The following TBC1D10A variants were observed in gnomAD, a reference collection of about 807,000 sequenced individuals.
TBC1D10A encodes TBC1 domain family member 10A, also known as EBP50-PDX interactor of 64 kDa.
A neutral mutation model predicts 52.9 loss-of-function variants in TBC1D10A; 24 were observed. The ratio of observed to expected loss-of-function variants is 0.45; its 90% CI spans 0.33 to 0.64. TBC1D10A has a LOEUF of 0.64. Ranked by LOEUF, TBC1D10A falls within the 30% of genes least tolerant of loss-of-function variation. The probability of loss-of-function intolerance (pLI) is 0.02; values close to 1 mark genes in which losing one functional copy is unlikely to be tolerated. For missense variants in TBC1D10A, 602 were observed against 687.9 expected (o/e 0.88, Z 1.40); for synonymous variants, 278 against 282.9 (o/e 0.98, Z 0.17).
At chr22:30,306,716 G>C (rs1930316430) in intron 1 of TBC1D10A, among the ~76,000 whole-genome samples, 1 of 152,140 alleles carries the variant, frequency 6.6e-6, no homozygotes, top group African/African-American at 2.4e-5. Context: ...AGGCAATATG[G>C]CCATCTGAAT....
chr22:30,314,810 CA>C (rs113564669), intron 1 of TBC1D10A, among the ~76,000 whole-genome samples: 963 of 73,748 alleles, frequency 0.013, 7 homozygotes, highest in African/African-American at 0.031. Flanking sequence ...GACCCTGACT[CA>C]AAAAAAAAAA....
intron 1 of TBC1D10A, among the ~76,000 whole-genome samples, chr22:30,307,579 C>T (rs1024248257): frequency 7.2e-5 from 11 of 152,150 alleles, no homozygotes; most frequent in African/African-American, 1.4e-4. Context: ...TCCACTCATC[C>T]CTAACTGAAT....
Position 30,326,913 on chromosome 22 carries a change from G to T in TBC1D10A, c.-32C>A, listed in dbSNP as rs1930794633. On this transcript the variant is annotated 5_prime_UTR_variant, in exon 1 of 9. Coordinates refer to ENST00000215790, the MANE Select transcript of TBC1D10A (RefSeq NM_031937.3). ...CGCGCCCGCCGCCTGAGCTCCAGCGGCCACCTCAGCCGCCCTGCTGCCGCC... is the reference window on the plus strand; with the variant it reads ...CGCGCCCGCCGCCTGAGCTCCAGCGTCCACCTCAGCCGCCCTGCTGCCGCC... 2.1e-6 allele frequency: 3 copies of T among 1,440,118 alleles called. No individual in the cohort carries two copies. The South Asian group carries it at 4.1e-5, about 20-fold the overall frequency. 89.2% of individuals were successfully genotyped at this position (1,440,118 alleles called of 1,614,324 possible). A position where few individuals can be genotyped will look rare whatever the true frequency, so the allele number is the denominator to read the frequency against.
chr22:30,295,940 C>T (rs541621556), intron 3 of TBC1D10A, 97 bp from the exon 4 acceptor site: 135 of 1,111,494 alleles, frequency 1.2e-4, no homozygotes, highest in Non-Finnish European at 1.5e-4. Context: ...GGGCCCTCCA[C>T]CAGGGGCAGT....
intron 1 of TBC1D10A, among the ~76,000 whole-genome samples, chr22:30,325,470 C>T (rs1476780204): frequency 6.6e-6 from 1 of 152,136 alleles, no homozygotes; most frequent in African/African-American, 2.4e-5. Context: ...CATGGCAGGG[C>T]CCCAGGAGCT....
In TBC1D10A at chr22:30,294,054, C is replaced by A. The variant is rs375538912; in HGVS notation, c.762G>T (p.Pro254=). The A allele has an allele frequency of 8.7e-6, 14 of 1,614,088 alleles. No homozygotes were observed. In the Admixed American group the frequency reaches 2.2e-4, roughly 25 times the overall value. The change falls in exon 7 of 9, where the codon CCG becomes CCT. Residue 254 remains proline (P), a synonymous_variant. Coordinates refer to ENST00000215790, the MANE Select transcript of TBC1D10A (RefSeq NM_031937.3). ...ILFSLLQKVS[P]VAHKHLSRQK... is the part of the protein sequence containing the mutation. ...GACGGCTGAGGTGCTTGTGGGCCACCGGCGACACCTTCTGCAACAGCGAGA... is the reference window on the plus strand; with the variant it reads ...GACGGCTGAGGTGCTTGTGGGCCACAGGCGACACCTTCTGCAACAGCGAGA...
intron 8 of TBC1D10A, 125 bp downstream of exon 8, chr22:30,293,526 T>C (rs1311675667): frequency 7.4e-7 from 1 of 1,356,686 alleles, no homozygotes; most frequent in African/African-American, 1.4e-5. Flanking sequence ...ACATGTTCTG[T>C]GTTGCCTAGC....
At chr22:30,318,865 GA>G (rs1930591643) in intron 1 of TBC1D10A, 2 of 373,568 alleles carry the variant, frequency 5.4e-6, no homozygotes, top group Non-Finnish European at 1.1e-5. Flanking sequence ...TGCAACACAG[GA>G]GGCCTCAGCC....
chr22:30,325,418 T>C (rs1031529594), intron 1 of TBC1D10A, among the ~76,000 whole-genome samples: 1 of 152,172 alleles, frequency 6.6e-6, no homozygotes, highest in East Asian at 1.9e-4. Context: ...ACAATCTCAA[T>C]TGGTCAGAGA....
rs753713709 is a variant in TBC1D10A at position 30,326,721 on chromosome 22, C to A, written c.161G>T (p.Arg54Leu). 1.9e-6 allele frequency: 3 copies of A among 1,540,540 alleles called. No individual in the cohort carries two copies. The highest frequency in any genetic ancestry group is 8.8e-7 in the Non-Finnish European group (1 of 1,142,390). The change falls in exon 1 of 9, where the codon CGC becomes CTC. Residue 54 changes from arginine (R) to leucine (L), a missense_variant. Coordinates refer to ENST00000215790, the MANE Select transcript of TBC1D10A (RefSeq NM_031937.3). ...CACGATGAAGCCGAACTTGTCGATG[C>A]GGCGCTCGGCGAAGCCGTTGGCCTC... The part of the protein sequence containing the change: ...DSEANGFAER[R>L]IDKFGFIVGS...
In TBC1D10A at chr22:30,292,529, GCCA is replaced by G. The variant is rs1929968531; in HGVS notation, c.1370_1372del (p.Val457del). ...TGGGGGACATGCATCTCCTGCAGCG[GCCA>G]CCACCATGGCTTGATTTGGGGCTGG... On this transcript the variant is annotated inframe_deletion, in exon 9 of 9. Transcript: ENST00000215790. 1 of 1,612,852 alleles carries G rather than the reference GCCA, an allele frequency of 6.2e-7. No individual in the cohort carries two copies. Among genetic ancestry groups the G allele is most frequent in the East Asian group, 2.2e-5 (1 of 44,872 alleles).
At chr22:30,301,222 G>A (rs1323940552) in intron 2 of TBC1D10A, among the ~76,000 whole-genome samples, 2 of 152,146 alleles carry the variant, frequency 1.3e-5, no homozygotes, top group African/African-American at 2.4e-5. Context: ...CAGTTGCCCT[G>A]ACCCGTCAAG....
rs765017383 is a variant in TBC1D10A, at chr22:30,295,829, G to T, written c.432C>A (p.Ser144=). 1 of 1,613,646 alleles carries T rather than the reference G, an allele frequency of 6.2e-7. No individual in the cohort carries two copies. The change falls in exon 4 of 9, where the codon TCC becomes TCA. Residue 144 remains serine (S), a synonymous_variant. Transcript: ENST00000215790. The part of the protein sequence containing the change: ...NPGKFDELDM[S]PGDPKWLDVI... ...CGTCCAGCCACTTGGGGTCCCCAGG[G>T]GACATGTCCAGCTCCTAGAAGCAAG...
rs372090442 is a variant in TBC1D10A at position 30,294,900 on chromosome 22, T to C, written c.640-39A>G. On this transcript the variant is annotated intron_variant, in intron 5 of 8. Coordinates refer to ENST00000215790, the MANE Select transcript of TBC1D10A (RefSeq NM_031937.3). ...AGATGTGAGGCCTTGCCGTTGGGGG[T>C]TCCCCACCCACCCCCCTGCCTGCCC... 6 of 1,613,746 alleles carry C rather than the reference T, an allele frequency of 3.7e-6. No individual in the cohort carries two copies. In the African/African-American group the frequency reaches 5.3e-5, roughly 14 times the overall value.
chr22:30,313,606 T>G (rs1223489455), intron 1 of TBC1D10A, among the ~76,000 whole-genome samples: 1 of 134,864 alleles, frequency 7.4e-6, no homozygotes, highest in Admixed American at 8.1e-5. Flanking sequence ...TTTCACCATG[T>G]TGGCCAGGAT....
intron 1 of TBC1D10A, among the ~76,000 whole-genome samples, chr22:30,305,064 C>T (rs898225919): frequency 1.3e-5 from 2 of 152,218 alleles, no homozygotes; most frequent in Non-Finnish European, 1.5e-5. Flanking sequence ...CACCTCTTTA[C>T]TTGAGCCAAA....
rs764104707 is a variant in TBC1D10A at position 30,326,895 on chromosome 22, G to C, written c.-14C>G. The C allele has an allele frequency of 2.0e-6, 3 of 1,464,726 alleles. No individual in the cohort carries two copies. The highest frequency in any genetic ancestry group is 6.0e-5 in the East Asian group (2 of 33,606). 90.7% of individuals were successfully genotyped at this position (1,464,726 alleles called of 1,614,324 possible). Reference sequence around the variant, plus strand: ...GCTCTTCGCCATCCCAGCCGCGCCCGCCGCCTGAGCTCCAGCGGCCACCTC... The same window carrying C: ...GCTCTTCGCCATCCCAGCCGCGCCCCCCGCCTGAGCTCCAGCGGCCACCTC... On this transcript the variant is annotated 5_prime_UTR_variant, in exon 1 of 9. Coordinates refer to ENST00000215790, the MANE Select transcript of TBC1D10A (RefSeq NM_031937.3).
intron 1 of TBC1D10A, among the ~76,000 whole-genome samples, chr22:30,315,140 C>T (rs1211791930): frequency 6.6e-6 from 1 of 152,222 alleles, no homozygotes; most frequent in Non-Finnish European, 1.5e-5. Flanking sequence ...CTCCAGACCA[C>T]AAGCTGAGTG....
At position 30,292,815 on chromosome 22, in the gene TBC1D10A, G is replaced by A. The variant is rs753114389; in HGVS notation, c.1087C>T (p.Arg363Cys). 9 of 1,611,248 alleles carry A rather than the reference G, an allele frequency of 5.6e-6. No individual in the cohort carries two copies. Among genetic ancestry groups the A allele is most frequent in the African/African-American group, 1.3e-5 (1 of 74,804 alleles). The part of the protein sequence containing the change: ...ELPVTERQIE[R>C]EHLIQLRRWQ... ...CGCCGCAGCTGAATGAGGTGTTCGCGCTCAATCTGGCGCTCTGTCACGGGC... is the reference window on the plus strand; with the variant it reads ...CGCCGCAGCTGAATGAGGTGTTCGCACTCAATCTGGCGCTCTGTCACGGGC... Residue 363 changes from arginine (R) to cysteine (C), a missense_variant, in exon 9 of 9, where the codon CGC (arginine) becomes TGC (cysteine). By Grantham distance (180) the Arg-to-Cys change is radical. Around this residue, in one of 3 missense-constraint regions of TBC1D10A, gnomAD observed 265 missense variants for 275.1 expected, o/e 0.96. Coordinates refer to ENST00000215790, the MANE Select transcript of TBC1D10A (RefSeq NM_031937.3).
Sources: allele counts gnomAD v4.1 joint callset (sites outside exome capture counted in the v4.1 genomes callset), GRCh38; gene constraint gnomAD v4.1.1; regional missense constraint gnomAD v4.1.1; transcripts MANE v1.5; gene names NCBI Gene and HGNC (gene_info 2026-07-23, HGNC 2026-07-21).